The following GOLGA7B variants were observed in gnomAD, a reference collection of about 807,000 sequenced individuals.
GOLGA7B encodes the protein golgin A7 family member B.
Under a neutral mutation model 21.5 loss-of-function variants are expected in GOLGA7B, and 17 were observed. The observed-to-expected ratio is 0.79, with a 90% CI of 0.54 to 1.19. The LOEUF is 1.19. GOLGA7B is among the 50% of genes most tolerant of loss of function. The pLI, the probability that GOLGA7B is intolerant of heterozygous loss-of-function variation, is 0.00. For missense variants in GOLGA7B, 169 were observed against 224.4 expected (o/e 0.75, Z 1.58); for synonymous variants, 87 against 84.0 (o/e 1.04, Z -0.19).
At chr10:97,862,147 T>A (rs1194147482) in intron 2 of GOLGA7B, among the ~76,000 whole-genome samples, 6 of 152,142 alleles carry the variant, frequency 3.9e-5, no homozygotes, top group Non-Finnish European at 7.4e-5. Context: ...CAGACTGGAG[T>A]CAGAGCTGTA....
rs2049994782 is a variant in GOLGA7B at position 97,864,283 on chromosome 10, C to G, written c.393+14C>G. ...GGGATGAGGGTTGTATCCTTCTGGGCTATTCTGTGTTGAGGGCACAGGACT... is the reference window on the plus strand; with the variant it reads ...GGGATGAGGGTTGTATCCTTCTGGGGTATTCTGTGTTGAGGGCACAGGACT... On this transcript the variant is annotated intron_variant, in intron 4 of 4. Transcript: ENST00000370602. 4.4e-6 allele frequency: 7 copies of G among 1,605,994 alleles called. No individual in the cohort carries two copies. The highest frequency in any genetic ancestry group is 6.0e-6 in the Non-Finnish European group (7 of 1,172,752).
At position 97,869,102 on chromosome 10, in the gene GOLGA7B, C is replaced by T. The variant is rs984760594; in HGVS notation, c.*3402C>T. 5 of 152,226 alleles carry T rather than the reference C, an allele frequency of 3.3e-5. No individual in the cohort carries two copies. Among genetic ancestry groups the T allele is most frequent in the Non-Finnish European group, 7.3e-5 (5 of 68,056 alleles). 9.4% of individuals were successfully genotyped at this position (152,226 alleles called of 1,614,324 possible). On this transcript the variant is annotated 3_prime_UTR_variant, in exon 5 of 5. Coordinates refer to ENST00000370602, the MANE Select transcript of GOLGA7B (RefSeq NM_001010917.3). ...AGAAGACAGATCCAGCCTCAGAGGC[C>T]GCTTAACAGCTTGAGGGCCTCAGCC... is the stretch of plus-strand genomic sequence containing the variant.
chr10:97,866,036 A>G lies in GOLGA7B; in HGVS notation c.*336A>G, dbSNP rs2050019582. The G allele has an allele frequency of 9.2e-6, 3 of 327,642 alleles. No homozygotes were observed. The highest frequency in any genetic ancestry group is 1.7e-5 in the Non-Finnish European group (3 of 178,292). 20.3% of individuals were successfully genotyped at this position (327,642 alleles called of 1,614,324 possible). ...CCCTCTCTTCCACAGCCCCTCTCCC[A>G]ACCCTGCGAGGGGGGCCGAGGCCTG... On this transcript the variant is annotated 3_prime_UTR_variant, in exon 5 of 5. Coordinates refer to ENST00000370602, the MANE Select transcript of GOLGA7B (RefSeq NM_001010917.3).
At chr10:97,854,489 T>A (rs2049923159) in intron 1 of GOLGA7B, among the ~76,000 whole-genome samples, 1 of 152,176 alleles carries the variant, frequency 6.6e-6, no homozygotes, top group African/African-American at 2.4e-5. Context: ...CTGTAATATA[T>A]GTACTCTATG....
At chr10:97,857,841 A>C (rs1377821255) in intron 1 of GOLGA7B, among the ~76,000 whole-genome samples, 2 of 152,236 alleles carry the variant, frequency 1.3e-5, no homozygotes, top group Admixed American at 1.3e-4. Context: ...AGAACCCAGA[A>C]ATAAAGCAAC....
At chr10:97,864,365 T>G in intron 4 of GOLGA7B, 96 bp downstream of exon 4, 1 of 940,546 alleles carries the variant, frequency 1.1e-6, no homozygotes, top group Admixed American at 2.2e-5. Flanking sequence ...CTTAGGGGCC[T>G]CCACTCAGGT....
At chr10:97,854,978 A>C (rs2049926258) in intron 1 of GOLGA7B, among the ~76,000 whole-genome samples, 1 of 152,162 alleles carries the variant, frequency 6.6e-6, no homozygotes, top group African/African-American at 2.4e-5. Context: ...GAAATGGTAC[A>C]TCTTTATGAA....
chr10:97,856,615 C>T (rs2136514176), intron 1 of GOLGA7B, among the ~76,000 whole-genome samples: 1 of 152,302 alleles, frequency 6.6e-6, no homozygotes, highest in Non-Finnish European at 1.5e-5. Flanking sequence ...AGTGGGATTG[C>T]TGGGTTGAAT....
intron 4 of GOLGA7B, chr10:97,865,345 G>GTCT: frequency 1.8e-6 from 1 of 556,006 alleles, no homozygotes; most frequent in East Asian, 3.1e-5. Flanking sequence ...CAGCGACCCT[G>GTCT]TCTGCTGTGA....
At chr10:97,862,113 T>TCA (rs1259436131) in intron 2 of GOLGA7B, among the ~76,000 whole-genome samples, 1 of 152,226 alleles carries the variant, frequency 6.6e-6, no homozygotes, top group African/African-American at 2.4e-5. Flanking sequence ...TTCCCGGCTG[T>TCA]CTGGTGTTAC....
chr10:97,861,595 G>T (rs565798006), intron 2 of GOLGA7B, among the ~76,000 whole-genome samples: 3 of 152,326 alleles, frequency 2.0e-5, no homozygotes, highest in African/African-American at 7.2e-5. Flanking sequence ...TTTGCTTCTG[G>T]TCCAGGGGTG....
chr10:97,851,893 G>A (rs550111395), intron 1 of GOLGA7B, among the ~76,000 whole-genome samples: 1 of 152,380 alleles, frequency 6.6e-6, no homozygotes, highest in East Asian at 1.9e-4. Flanking sequence ...TCCCCTGGGA[G>A]GGGCTCTGCT....
chr10:97,856,726 C>A (rs1173883677), intron 1 of GOLGA7B, among the ~76,000 whole-genome samples: 2 of 152,166 alleles, frequency 1.3e-5, no homozygotes, highest in Admixed American at 6.6e-5. Context: ...GTTCCCTGTT[C>A]TCTGCATCTA....
In GOLGA7B at chr10:97,870,580, TTGTC is replaced by T. The variant is rs1392337780; in HGVS notation, c.*4884_*4887del. 6.6e-6 allele frequency: 1 copy of T among 152,194 alleles called. No homozygotes were observed. Among genetic ancestry groups the T allele is most frequent in the Admixed American group, 6.5e-5 (1 of 15,270 alleles). 9.4% of individuals were successfully genotyped at this position (152,194 alleles called of 1,614,324 possible). ...AGCTGTATACTTAAGAGCTGTGTAT[TTGTC>T]TGTACTGGTGATATATTTCAATAAA... On this transcript the variant is annotated 3_prime_UTR_variant, in exon 5 of 5. Coordinates refer to ENST00000370602, the MANE Select transcript of GOLGA7B (RefSeq NM_001010917.3).
At chr10:97,861,646 G>C (rs906369899) in intron 2 of GOLGA7B, among the ~76,000 whole-genome samples, 1 of 152,258 alleles carries the variant, frequency 6.6e-6, no homozygotes, top group African/African-American at 2.4e-5. Flanking sequence ...GTGGGCCTGG[G>C]ACTGGGGAAG....
intron 2 of GOLGA7B, among the ~76,000 whole-genome samples, chr10:97,860,196 A>G (rs2049961801): frequency 6.6e-6 from 1 of 152,208 alleles, no homozygotes; most frequent in Non-Finnish European, 1.5e-5. Context: ...AGATATTTTG[A>G]TACAAGCATG....
rs2050026133 is a variant in GOLGA7B at position 97,866,449 on chromosome 10, A to G, written c.*749A>G. The G allele has an allele frequency of 6.6e-6, 1 of 152,272 alleles. No homozygotes were observed. The highest frequency in any genetic ancestry group is 1.5e-5 in the Non-Finnish European group (1 of 68,052). The allele number at this position is 152,272 out of a possible 1,614,324, so 9.4% of individuals were successfully genotyped here. A position where few individuals can be genotyped will look rare whatever the true frequency, so the allele number is the denominator to read the frequency against. On this transcript the variant is annotated 3_prime_UTR_variant, in exon 5 of 5. Transcript: ENST00000370602. ...GGTCTGGGAAACTCCGTGAAGAGACATAGCCATGCGGGGCCTGAATCTCCT... is the reference window on the plus strand; with the variant it reads ...GGTCTGGGAAACTCCGTGAAGAGACGTAGCCATGCGGGGCCTGAATCTCCT...
intron 4 of GOLGA7B, 146 bp from the exon 5 acceptor site, chr10:97,865,444 T>G: frequency 7.2e-7 from 1 of 1,394,200 alleles, no homozygotes; most frequent in Non-Finnish European, 9.7e-7. Flanking sequence ...TTGGGGAGGG[T>G]CTAGCTCCCA....
chr10:97,865,499 T>G lies in GOLGA7B; in HGVS notation c.394-91T>G, dbSNP rs75406237. On this transcript the variant is annotated intron_variant, in intron 4 of 4. Coordinates refer to ENST00000370602, the MANE Select transcript of GOLGA7B (RefSeq NM_001010917.3). ...TCTAGGCAGCAGCACAAGCCCACTT[T>G]CCCACTCCCCTGCTGGACTCCATCC... 636 of 1,560,886 alleles carry G rather than the reference T, an allele frequency of 4.1e-4. 2 individuals are homozygous for G. The East Asian group carries it at 0.014, about 34-fold the overall frequency.
Sources: gnomAD v4.1 joint callset for allele counts (sites outside exome capture counted in the v4.1 genomes callset) on GRCh38, gnomAD v4.1.1 for gene constraint, MANE v1.5 for transcripts, NCBI Gene and HGNC (gene_info 2026-07-23, HGNC 2026-07-21) for gene names.